STK3: variants seen among roughly 807,000 people sequenced by gnomAD.
STK3 encodes serine/threonine kinase 3.
In STK3, 41 loss-of-function variants were observed where a neutral mutation model predicts 58.0. That is an observed-to-expected ratio of 0.71 (90% confidence interval 0.55 to 0.92). The LOEUF (loss-of-function observed/expected upper bound fraction) is 0.92, where lower values mean the gene tolerates loss of function less well. Ranked by LOEUF, STK3 falls within the 40% of genes least tolerant of loss-of-function variation. The pLI, the probability that STK3 is intolerant of heterozygous loss-of-function variation, is 0.00. For missense variants in STK3, 479 were observed against 602.7 expected (o/e 0.79, Z 2.15); for synonymous variants, 170 against 191.0 (o/e 0.89, Z 0.91).
chr8:98,796,486 T>TA (rs1833172643), intron 1 of STK3, among the ~76,000 whole-genome samples: 1 of 152,146 alleles, frequency 6.6e-6, no homozygotes, highest in African/African-American at 2.4e-5. Flanking sequence ...ATTAAAGATT[T>TA]AAACAGAAGA....
intron 1 of STK3, among the ~76,000 whole-genome samples, chr8:98,893,092 A>G (rs918526709): frequency 6.6e-6 from 1 of 152,116 alleles, no homozygotes; most frequent in Non-Finnish European, 1.5e-5. Context: ...CTTTCTAGAT[A>G]AAAAGAAAAT....
intron 3 of STK3, among the ~76,000 whole-genome samples, chr8:98,839,762 G>A (rs1487626585): frequency 1.3e-5 from 2 of 152,170 alleles, no homozygotes; most frequent in African/African-American, 2.4e-5. Flanking sequence ...TAAGATGACT[G>A]TGGCTTCTAA....
intron 4 of STK3, among the ~76,000 whole-genome samples, chr8:98,710,584 A>C (rs1826330031): frequency 6.6e-6 from 1 of 152,182 alleles, no homozygotes; most frequent in Non-Finnish European, 1.5e-5. Context: ...TGCGGCAGCG[A>C]GGCTGGGGGA....
At chr8:98,866,440 T>G (rs1011313685) in intron 3 of STK3, among the ~76,000 whole-genome samples, 2 of 152,160 alleles carry the variant, frequency 1.3e-5, no homozygotes, top group Non-Finnish European at 2.9e-5. Context: ...AACCAGCTTT[T>G]GATAAGATGC....
chr8:98,350,261 A>G, the STK3 span, among the ~76,000 whole-genome samples: 1 of 152,142 alleles, frequency 6.6e-6, no homozygotes, highest in African/African-American at 2.4e-5. Context: ...CTAAAACATA[A>G]CAAGAGTCAC....
At chr8:98,747,851 T>A (rs982352853) in intron 4 of STK3, among the ~76,000 whole-genome samples, 8 of 152,192 alleles carry the variant, frequency 5.3e-5, no homozygotes, top group African/African-American at 1.9e-4. Context: ...ACAACTATGT[T>A]ATTCCAAGTG....
At chr8:98,427,209 C>G (rs1193938118) in intron 3 of STK3, 2 of 150,660 alleles carry the variant, frequency 1.3e-5, no homozygotes, top group Non-Finnish European at 3.0e-5. Flanking sequence ...GCCGGCCCGC[C>G]GGGCGCACAC....
intron 7 of STK3, among the ~76,000 whole-genome samples, chr8:98,589,742 T>C (rs1023958681): frequency 6.6e-6 from 1 of 152,176 alleles, no homozygotes; most frequent in Admixed American, 6.5e-5. Flanking sequence ...GTGCTAGCAA[T>C]CAGCGAGACT....
At chr8:98,420,672 C>T (rs1490662518) in intron 3 of STK3, among the ~76,000 whole-genome samples, 2 of 152,116 alleles carry the variant, frequency 1.3e-5, no homozygotes, top group African/African-American at 4.8e-5. Context: ...TTGGATACCA[C>T]AGAGACATGT....
At chr8:98,412,438 A>G (rs1818067580) in intron 3 of STK3, among the ~76,000 whole-genome samples, 1 of 152,222 alleles carries the variant, frequency 6.6e-6, no homozygotes, top group African/African-American at 2.4e-5. Flanking sequence ...GGTTCCTTGC[A>G]TGGAACTTCC....
chr8:98,498,678 A>G (rs1321114076), intron 10 of STK3, among the ~76,000 whole-genome samples: 1 of 152,200 alleles, frequency 6.6e-6, no homozygotes, highest in East Asian at 1.9e-4. Flanking sequence ...TTTCTTGGGC[A>G]TTAACAAAAT....
intron 6 of STK3, among the ~76,000 whole-genome samples, chr8:98,627,028 C>A (rs1439859220): frequency 6.6e-6 from 1 of 152,164 alleles, no homozygotes; most frequent in Middle Eastern, 3.2e-3. Context: ...CCACTTCATA[C>A]CTGGAAAAAC....
At chr8:98,465,503 C>T (rs942798099) in intron 10 of STK3, among the ~76,000 whole-genome samples, 4 of 152,190 alleles carry the variant, frequency 2.6e-5, no homozygotes, top group African/African-American at 9.7e-5. Flanking sequence ...TTTTAGCCAT[C>T]ACTGGCCATA....
intron 3 of STK3, among the ~76,000 whole-genome samples, chr8:98,869,999 C>A (rs979877448): frequency 1.3e-5 from 2 of 152,104 alleles, no homozygotes; most frequent in Admixed American, 1.3e-4. Flanking sequence ...CCCCTCTCCC[C>A]CAACCCCATG....
At chr8:98,549,697 A>G (rs1811006236) in intron 8 of STK3, among the ~76,000 whole-genome samples, 4 of 152,150 alleles carry the variant, frequency 2.6e-5, no homozygotes, top group Admixed American at 2.6e-4. Context: ...TAGAACATTC[A>G]CCAAAGATAT....
intron 4 of STK3, among the ~76,000 whole-genome samples, chr8:98,709,033 G>A (rs910384660): frequency 6.6e-6 from 1 of 151,748 alleles, no homozygotes; most frequent in African/African-American, 2.4e-5. Context: ...GAGAGAGGGG[G>A]TAGAGATTTA....
At chr8:98,550,060 C>G (rs927124069) in intron 8 of STK3, among the ~76,000 whole-genome samples, 1 of 150,378 alleles carries the variant, frequency 6.6e-6, no homozygotes, top group Non-Finnish European at 1.5e-5. Context: ...TGATTACGCA[C>G]GGAAATTCAT....
intron 3 of STK3, chr8:98,427,714 G>A: frequency 3.6e-6 from 1 of 279,482 alleles, no homozygotes; most frequent in Non-Finnish European, 6.3e-6. Flanking sequence ...CCCCGCACGC[G>A]CAAAGCGCCC....
chr8:98,824,333 C>T (rs562467004), intron 1 of STK3, among the ~76,000 whole-genome samples: 22 of 152,324 alleles, frequency 1.4e-4, no homozygotes, highest in Non-Finnish European at 2.8e-4. Context: ...TTCTCTTACA[C>T]CTATAATGAA....
Sources: gnomAD v4.1 joint callset for allele counts (sites outside exome capture counted in the v4.1 genomes callset) on GRCh38, gnomAD v4.1.1 for gene constraint, MANE v1.5 for transcripts, NCBI Gene and HGNC (gene_info 2026-07-23, HGNC 2026-07-21) for gene names.